The following TAB2 variants were observed in gnomAD, a reference collection of about 807,000 sequenced individuals.
TAB2 encodes TGF-beta-activated kinase 1 and MAP3K7-binding protein 2.
Under a neutral mutation model 65.0 loss-of-function variants are expected in TAB2, and 3 were observed. The ratio of observed to expected loss-of-function variants is 0.05; its 90% CI spans 0.02 to 0.12. The LOEUF (loss-of-function observed/expected upper bound fraction) is 0.12. TAB2 is among the 10% of genes least tolerant of loss of function. The pLI, the probability that TAB2 is intolerant of heterozygous loss-of-function variation, is 1.00. For synonymous variants in TAB2, 298 were observed against 285.1 expected (o/e 1.05, Z -0.46); for missense variants, 623 against 840.3 (o/e 0.74, Z 3.20).
At chr6:149,242,756 G>A (rs1284084888) in intron 1 of TAB2, among the ~76,000 whole-genome samples, 1 of 152,138 alleles carries the variant, frequency 6.6e-6, no homozygotes, top group Non-Finnish European at 1.5e-5. Context: ...CATAAGGATG[G>A]CCGCCCGTCT....
chr6:149,284,921 T>C (rs6908296), intron 1 of TAB2, among the ~76,000 whole-genome samples: 80,315 of 151,988 alleles, frequency 0.53, 23,829 homozygotes, highest in African/African-American at 0.81. Flanking sequence ...TCCCCACACC[T>C]TCCTAATGCC....
At chr6:149,290,230 T>C (rs1317729166) in intron 1 of TAB2, among the ~76,000 whole-genome samples, 2 of 152,188 alleles carry the variant, frequency 1.3e-5, no homozygotes, top group Non-Finnish European at 2.9e-5. Context: ...TTCCCTTGTC[T>C]GAGAGGAGAA....
At chr6:149,384,949 A>T (rs6926360) in intron 3 of TAB2, among the ~76,000 whole-genome samples, 7,575 of 152,194 alleles carry the variant, frequency 0.05, 646 homozygotes, top group African/African-American at 0.17. Flanking sequence ...ACTTTTTATT[A>T]TTTAAAGAAA....
chr6:149,306,764 T>C (rs1438159460), intron 1 of TAB2, among the ~76,000 whole-genome samples: 1 of 151,814 alleles, frequency 6.6e-6, no homozygotes, highest in Non-Finnish European at 1.5e-5. Flanking sequence ...AAAAGAAAAC[T>C]TGCTGTGTGC....
intron 6 of TAB2, among the ~76,000 whole-genome samples, chr6:149,406,234 A>G (rs1782660251): frequency 6.6e-6 from 1 of 152,314 alleles, no homozygotes; most frequent in East Asian, 1.9e-4. Flanking sequence ...TCAGAGATAA[A>G]AATTATTTGT....
intron 6 of TAB2, among the ~76,000 whole-genome samples, chr6:149,403,295 C>CACATATATAT (rs1303915679): frequency 1.3e-5 from 1 of 76,472 alleles, no homozygotes; most frequent in Non-Finnish European, 2.4e-5. Flanking sequence ...CACACACACA[C>CACATATATAT]ATATATATAT....
chr6:149,269,993 C>G (rs1359863681), intron 1 of TAB2, among the ~76,000 whole-genome samples: 2 of 152,200 alleles, frequency 1.3e-5, no homozygotes, highest in Non-Finnish European at 1.5e-5. Flanking sequence ...AGCAAGCATA[C>G]ATTTAACTTT....
chr6:149,399,122 G>C lies in TAB2; in HGVS notation c.1877G>C (p.Ser626Thr), dbSNP rs1484363649. Reference protein sequence around the residue: ...FQARGPHFNPSAIHNFYDNIG... With the variant: ...FQARGPHFNPTAIHNFYDNIG... Reference sequence around the variant, plus strand: ...ATTTCAGGACCACATTTTAACCCCAGCGCTATTCATAACTTTTATGACAAT... The same window carrying C: ...ATTTCAGGACCACATTTTAACCCCACCGCTATTCATAACTTTTATGACAAT... The change falls in exon 6 of 7, where the codon AGC becomes ACC. Residue 626 changes from serine to threonine, a missense_variant. Ser to Thr is a moderately conservative substitution (Grantham distance 58). Transcript: ENST00000637181. 6.2e-7 allele frequency: 1 copy of C among 1,613,478 alleles called. No homozygotes were observed. The highest frequency in any genetic ancestry group is 8.5e-7 in the Non-Finnish European group (1 of 1,179,642).
At chr6:149,407,082 A>G (rs1782689918) in intron 6 of TAB2, among the ~76,000 whole-genome samples, 1 of 152,216 alleles carries the variant, frequency 6.6e-6, no homozygotes, top group Non-Finnish European at 1.5e-5. Flanking sequence ...GTTTTTAAAT[A>G]TAGCTGGAAT....
chr6:149,242,630 A>G (rs192628599), intron 1 of TAB2, among the ~76,000 whole-genome samples: 4 of 152,320 alleles, frequency 2.6e-5, no homozygotes, highest in Admixed American at 2.6e-4. Flanking sequence ...TTTCGATGTG[A>G]GACACACACT....
chr6:149,319,838 T>C (rs1779377103), intron 1 of TAB2, among the ~76,000 whole-genome samples: 2 of 152,216 alleles, frequency 1.3e-5, no homozygotes, highest in South Asian at 4.1e-4. Flanking sequence ...GAAATGCTAC[T>C]ATTGAACCCC....
At chr6:149,263,103 C>A (rs1335399702) in intron 1 of TAB2, among the ~76,000 whole-genome samples, 2 of 152,168 alleles carry the variant, frequency 1.3e-5, no homozygotes, top group Non-Finnish European at 2.9e-5. Flanking sequence ...CCACACCTGG[C>A]CTCTCTTCAC....
At chr6:149,374,000 A>ATG (rs1175506488) in intron 2 of TAB2, among the ~76,000 whole-genome samples, 2 of 152,214 alleles carry the variant, frequency 1.3e-5, no homozygotes, top group Non-Finnish European at 2.9e-5. Flanking sequence ...TAATGACCAA[A>ATG]ACTGATTGAA....
intron 1 of TAB2, among the ~76,000 whole-genome samples, chr6:149,309,099 T>G (rs9498314): frequency 0.062 from 9,514 of 152,244 alleles, 376 homozygotes; most frequent in East Asian, 0.15. Context: ...GTGTTTCATC[T>G]TATTTTTTTA....
At chr6:149,377,898 AT>A (rs1781456834) in intron 2 of TAB2, 119 bp from the exon 3 acceptor site, 1 of 779,318 alleles carries the variant, frequency 1.3e-6, no homozygotes, top group Non-Finnish European at 2.1e-6. Flanking sequence ...AAATTTAAAT[AT>A]CCAAATATAT....
intron 1 of TAB2, 146 bp from the exon 2 acceptor site, chr6:149,369,763 A>G: frequency 1.7e-6 from 1 of 600,708 alleles, no homozygotes; most frequent in South Asian, 2.1e-5. Context: ...GTATAACTAT[A>G]TGGAAAGCAT....
chr6:149,360,812 A>T (rs916578896), intron 1 of TAB2, among the ~76,000 whole-genome samples: 4 of 152,212 alleles, frequency 2.6e-5, no homozygotes, highest in Non-Finnish European at 4.4e-5. Context: ...CTTTCAAGAT[A>T]CAATGGGGGT....
intron 1 of TAB2, among the ~76,000 whole-genome samples, chr6:149,337,919 A>T (rs1436983421): frequency 6.6e-6 from 1 of 152,098 alleles, no homozygotes; most frequent in Non-Finnish European, 1.5e-5. Flanking sequence ...AAATAATAGA[A>T]CTTGGTGGTA....
chr6:149,289,249 A>C (rs1778731575), intron 1 of TAB2, among the ~76,000 whole-genome samples: 1 of 152,118 alleles, frequency 6.6e-6, no homozygotes, highest in Admixed American at 6.6e-5. Flanking sequence ...AAAATCAGGC[A>C]GAGTGCAGTG....
Sources: allele counts gnomAD v4.1 joint callset (sites outside exome capture counted in the v4.1 genomes callset), GRCh38; gene constraint gnomAD v4.1.1; transcripts MANE v1.5; gene names NCBI Gene and HGNC (gene_info 2026-07-23, HGNC 2026-07-21).